Variants in RPS10 observed in about 807,000 individuals in gnomAD.
RPS10 encodes small ribosomal subunit protein eS10.
In RPS10, 2 loss-of-function variants were observed where a neutral mutation model predicts 22.6. That is an observed-to-expected ratio of 0.09 (90% CI 0.04 to 0.28). The LOEUF is 0.28. Ranked by LOEUF, RPS10 falls within the 10% of genes least tolerant of loss-of-function variation. RPS10 has a pLI of 1.00. For synonymous variants in RPS10, 70 were observed against 75.9 expected (o/e 0.92, Z 0.40); for missense variants, 137 against 222.2 (o/e 0.62, Z 2.44).
intron 3 of RPS10, among the ~76,000 whole-genome samples, chr6:34,423,893 A>G (rs1350453977): frequency 6.6e-6 from 1 of 152,050 alleles, no homozygotes; most frequent in Non-Finnish European, 1.5e-5. Flanking sequence ...AATTATGTCT[A>G]CCTAATCACC....
rs150654757 is a variant in RPS10 at position 34,424,585 on chromosome 6, C to T, written c.322+84G>A. The T allele has an allele frequency of 9.3e-5, 146 of 1,566,092 alleles. No individual in the cohort carries two copies. The African/African-American group carries it at 1.9e-3, about 20-fold the overall frequency. ...GCCTGCAGGCCAGAGCCCTCTAAAG[C>T]TGACATCAGCTAAGAATGCTTTTGT... On this transcript the variant is annotated intron_variant, in intron 3 of 5. Coordinates refer to ENST00000648437, the MANE Select transcript of RPS10 (RefSeq NM_001014.5).
intron 2 of RPS10, 27 bp downstream of exon 2, chr6:34,425,045 A>T: frequency 6.2e-7 from 1 of 1,611,876 alleles, no homozygotes; most frequent in Non-Finnish European, 8.5e-7. Context: ...AGGAAGATCC[A>T]TCCCATCTTC....
At chr6:34,420,555 G>A (rs2113798283) in intron 4 of RPS10, among the ~76,000 whole-genome samples, 1 of 152,164 alleles carries the variant, frequency 6.6e-6, no homozygotes, top group South Asian at 2.1e-4. Flanking sequence ...AACTTCCTCT[G>A]AACCAAGGGC....
At chr6:34,424,482 T>C (rs1447333976) in intron 3 of RPS10, 187 bp downstream of exon 3, 2 of 687,270 alleles carry the variant, frequency 2.9e-6, no homozygotes, top group East Asian at 2.8e-5. Flanking sequence ...GGCCATCTCA[T>C]GGATGGCCTG....
At chr6:34,419,038 G>C (rs889410966) in intron 4 of RPS10, among the ~76,000 whole-genome samples, 5 of 152,068 alleles carry the variant, frequency 3.3e-5, no homozygotes, top group African/African-American at 9.7e-5. Flanking sequence ...GTTCGTTTGA[G>C]ACTGAATTTC....
chr6:34,420,880 C>T (rs907819122), intron 4 of RPS10, among the ~76,000 whole-genome samples: 2 of 151,498 alleles, frequency 1.3e-5, no homozygotes, highest in Non-Finnish European at 2.9e-5. Flanking sequence ...TGGCGGCGGT[C>T]GCCTGTAGTC....
Position 34,421,659 on chromosome 6 carries a change from AG to A in RPS10, c.400+70del. On this transcript the variant is annotated intron_variant, in intron 4 of 5. Transcript: ENST00000648437. ...CATCATCAAGGGCTGAGCCCCACCC[AG>A]CCAGAGCCAGCTGTGAGAATCCAGA... 1.9e-6 allele frequency: 3 copies of A among 1,580,588 alleles called. No homozygotes were observed. The Admixed American group carries it at 5.0e-5, about 26-fold the overall frequency.
chr6:34,421,442 C>A lies in RPS10; in HGVS notation c.400+288G>T, dbSNP rs143360244. On this transcript the variant is annotated intron_variant, in intron 4 of 5. Coordinates refer to ENST00000648437, the MANE Select transcript of RPS10 (RefSeq NM_001014.5). ...CAAGTAATCTGCCCACTTCGACCCCCCCCCTCCAACCAAAGTGCTGGGATT... is the reference window on the plus strand; with the variant it reads ...CAAGTAATCTGCCCACTTCGACCCCACCCCTCCAACCAAAGTGCTGGGATT... Among the ~76,000 whole-genome samples, 2,022 of 152,046 alleles carry A rather than the reference C, an allele frequency of 0.013. 37 individuals carry two copies. Among genetic ancestry groups the A allele is most frequent in the African/African-American group, 0.044 (1,834 of 41,476 alleles).
intron 3 of RPS10, among the ~76,000 whole-genome samples, chr6:34,423,890 T>C (rs368212818): frequency 2.0e-5 from 3 of 151,890 alleles, no homozygotes; most frequent in East Asian, 3.9e-4. Context: ...AAAAATTATG[T>C]CTACCTAATC....
At chr6:34,419,080 G>A (rs1474009927) in intron 4 of RPS10, among the ~76,000 whole-genome samples, 6 of 151,994 alleles carry the variant, frequency 3.9e-5, no homozygotes, top group African/African-American at 7.3e-5. Context: ...GTGCAATGGC[G>A]CGATCTCGGC....
At chr6:34,421,589 G>T in intron 4 of RPS10, 141 bp downstream of exon 4, 1 of 887,228 alleles carries the variant, frequency 1.1e-6, no homozygotes, top group Non-Finnish European at 1.9e-6. Flanking sequence ...CAGCTGTTCT[G>T]ATGCTCTGCA....
intron 4 of RPS10, among the ~76,000 whole-genome samples, chr6:34,419,733 C>T (rs1236195661): frequency 6.6e-6 from 1 of 151,960 alleles, no homozygotes. Flanking sequence ...CATACCACCA[C>T]GCTTGGCTAA....
chr6:34,424,763 G>A lies in RPS10; in HGVS notation c.228C>T (p.Ile76=), dbSNP rs780514465. The part of the protein sequence containing the change: ...HFYWYLTNEG[I]QYLRDYLHLP... ...GATGAAGGTAATCACGGAGATACTG[G>A]ATACCCTCATTGGTAAGGTACCAGT... is the stretch of plus-strand genomic sequence containing the variant. Residue 76 remains isoleucine (I), a synonymous_variant, in exon 3 of 6, where the codon ATC becomes ATT. Coordinates refer to ENST00000648437, the MANE Select transcript of RPS10 (RefSeq NM_001014.5). The A allele has an allele frequency of 1.2e-6, 2 of 1,614,134 alleles. No homozygotes were observed. Among genetic ancestry groups the A allele is most frequent in the Middle Eastern group, 1.6e-4 (1 of 6,062 alleles).
intron 3 of RPS10, among the ~76,000 whole-genome samples, chr6:34,422,900 G>A (rs1446223072): frequency 6.7e-6 from 1 of 149,802 alleles, no homozygotes; most frequent in Non-Finnish European, 1.5e-5. Context: ...GGCCAACATG[G>A]TAAAACCCTG....
At chr6:34,424,918 C>A in intron 2 of RPS10, 78 bp from the exon 3 acceptor site, 1 of 1,609,544 alleles carries the variant, frequency 6.2e-7, no homozygotes, top group South Asian at 1.1e-5. Context: ...TCCCAGCCAG[C>A]CCTTCAAGTT....
At chr6:34,418,219 T>A (rs1286782126) in intron 5 of RPS10, 150 bp downstream of exon 5, 2 of 1,539,626 alleles carry the variant, frequency 1.3e-6, no homozygotes, top group African/African-American at 1.4e-5. Context: ...TACAACTCAA[T>A]GTAAAATTTG....
In RPS10 at chr6:34,424,827, C is replaced by T. The variant is rs1765898082; in HGVS notation, c.164G>A (p.Arg55Gln). The T allele has an allele frequency of 3.7e-6, 6 of 1,613,762 alleles. No homozygotes were observed. The highest frequency in any genetic ancestry group is 1.3e-5 in the African/African-American group (1 of 74,890). ...VMKAMQSLKS[R>Q]GYVKEQFAWR... ...GGCAAACTGTTCCTTCACGTAGCCT[C>T]GGGACTTGAGAGACTGTAAGGCAGA... Residue 55 changes from arginine (R) to glutamine (Q), a missense_variant, in exon 3 of 6, where the codon CGA (arginine) becomes CAA (glutamine). Arg to Gln is a conservative substitution (Grantham distance 43, BLOSUM62 1). Coordinates refer to ENST00000648437, the MANE Select transcript of RPS10 (RefSeq NM_001014.5).
intron 3 of RPS10, among the ~76,000 whole-genome samples, chr6:34,422,260 G>A (rs1049605878): frequency 2.0e-5 from 3 of 152,122 alleles, no homozygotes; most frequent in African/African-American, 7.2e-5. Context: ...GTTCCTCTTG[G>A]GCTTCTTCAC....
At chr6:34,420,995 G>A (rs1375128918) in intron 4 of RPS10, among the ~76,000 whole-genome samples, 6 of 144,096 alleles carry the variant, frequency 4.2e-5, no homozygotes, top group African/African-American at 1.6e-4. Flanking sequence ...GTGACAGAGC[G>A]AGACTGTCTC....
Sources: allele counts gnomAD v4.1 joint callset (sites outside exome capture counted in the v4.1 genomes callset), GRCh38; gene constraint gnomAD v4.1.1; transcripts MANE v1.5; gene names NCBI Gene and HGNC (gene_info 2026-07-23, HGNC 2026-07-21).